FBXL7: variants seen among roughly 807,000 people sequenced by gnomAD.
FBXL7 encodes F-box/LRR-repeat protein 7.
A neutral mutation model predicts 38.3 loss-of-function variants in FBXL7; 12 were observed. The ratio of observed to expected loss-of-function variants is 0.31; its 90% confidence interval spans 0.20 to 0.51. The LOEUF (loss-of-function observed/expected upper bound fraction) is 0.51. Ranked by LOEUF, FBXL7 falls within the 20% of genes least tolerant of loss-of-function variation. The probability of loss-of-function intolerance (pLI) is 0.98; values close to 1 mark genes in which losing one functional copy is unlikely to be tolerated. For missense variants in FBXL7, 567 were observed against 676.4 expected (o/e 0.84, Z 1.79); for synonymous variants, 297 against 300.9 (o/e 0.99, Z 0.13).
In FBXL7 at chr5:15,936,859, G is replaced by C. The variant is rs780770958; in HGVS notation, c.1149G>C (p.Ala383=). 3.1e-6 allele frequency: 5 copies of C among 1,613,902 alleles called. No individual in the cohort carries two copies. The highest frequency in any genetic ancestry group is 4.5e-5 in the East Asian group (2 of 44,862). ...GCAGCAAGCTGCGCTACCTCAACGC[G>C]AGGGGCTGCGAGGGCATCACGGACC... is the stretch of plus-strand genomic sequence containing the variant. The part of the protein sequence containing the change: ...KYCSKLRYLN[A]RGCEGITDHG... The change falls in exon 4 of 4, where the codon GCG becomes GCC. Residue 383 remains alanine (A), a synonymous_variant. Coordinates refer to ENST00000504595, the MANE Select transcript of FBXL7 (RefSeq NM_012304.5). This position sits in a 1 kb window ranked among gnomAD's most constrained non-coding sequence, Gnocchi z 6.0.
chr5:15,663,317 A>G (rs1438343138), intron 2 of FBXL7, among the ~76,000 whole-genome samples: 2 of 152,074 alleles, frequency 1.3e-5, no homozygotes, highest in Non-Finnish European at 2.9e-5. Context: ...TTGTGGGTGT[A>G]TAGGAATGCT....
chr5:15,700,174 TAATA>T (rs1743477112), intron 2 of FBXL7, among the ~76,000 whole-genome samples: 1 of 152,164 alleles, frequency 6.6e-6, no homozygotes, highest in Admixed American at 6.5e-5. Flanking sequence ...TTCCTCTCAT[TAATA>T]GAGACAAAGG....
chr5:15,644,070 G>A (rs1741451069), intron 2 of FBXL7, among the ~76,000 whole-genome samples: 1 of 152,122 alleles, frequency 6.6e-6, no homozygotes, highest in Admixed American at 6.5e-5. Context: ...TGTCCTCCTT[G>A]AATAGTTTGC....
chr5:15,689,771 A>G (rs1245851967), intron 2 of FBXL7, among the ~76,000 whole-genome samples: 2 of 152,226 alleles, frequency 1.3e-5, no homozygotes, highest in Non-Finnish European at 2.9e-5. Context: ...AGATGAGGAA[A>G]CTGTCTAAAA....
At chr5:15,514,350 A>G (rs1736876735) in intron 1 of FBXL7, among the ~76,000 whole-genome samples, 1 of 152,188 alleles carries the variant, frequency 6.6e-6, no homozygotes, top group African/African-American at 2.4e-5. Flanking sequence ...CATTCAACAA[A>G]GATGAACTTA....
intron 1 of FBXL7, among the ~76,000 whole-genome samples, chr5:15,567,600 A>G (rs970442086): frequency 6.6e-6 from 1 of 151,124 alleles, no homozygotes; most frequent in African/African-American, 2.4e-5. Flanking sequence ...TTATATATAT[A>G]TATTTTTTAT....
chr5:15,791,320 A>G (rs1479658335), intron 2 of FBXL7, among the ~76,000 whole-genome samples: 1 of 152,186 alleles, frequency 6.6e-6, no homozygotes, highest in Non-Finnish European at 1.5e-5. Context: ...TCTTTGTTTC[A>G]AACTTTCTGT....
At chr5:15,763,222 A>G (rs936039954) in intron 2 of FBXL7, among the ~76,000 whole-genome samples, 3 of 152,216 alleles carry the variant, frequency 2.0e-5, no homozygotes, top group Admixed American at 6.5e-5. Context: ...TACTCAACTA[A>G]GTGCTTAACT....
At position 15,937,378 on chromosome 5, in the gene FBXL7, A is replaced by C. The variant is rs1037005351; in HGVS notation, c.*192A>C. 1 of 675,542 alleles carries C rather than the reference A, an allele frequency of 1.5e-6. No homozygotes were observed. Among genetic ancestry groups the C allele is most frequent in the Non-Finnish European group, 2.4e-6 (1 of 414,748 alleles). The allele number at this position is 675,542 out of a possible 1,614,324, so 41.8% of individuals were successfully genotyped here. A position where few individuals can be genotyped will look rare whatever the true frequency, so the allele number is the denominator to read the frequency against. ...GCCAAAGAAACGAAGCAAGACAAAC[A>C]GCAAACAGGCATTTTGGTCAGGTCA... On this transcript the variant is annotated 3_prime_UTR_variant, in exon 4 of 4. Transcript: ENST00000504595.
At chr5:15,652,109 A>G (rs111563299) in intron 2 of FBXL7, among the ~76,000 whole-genome samples, 24 of 152,340 alleles carry the variant, frequency 1.6e-4, no homozygotes, top group African/African-American at 5.5e-4. Flanking sequence ...AAAGAGAGTT[A>G]GGGCCTTGCT....
At chr5:15,506,175 G>T (rs1315759745) in intron 1 of FBXL7, among the ~76,000 whole-genome samples, 1 of 151,264 alleles carries the variant, frequency 6.6e-6, no homozygotes, top group African/African-American at 2.4e-5. Context: ...TGACTTCTTG[G>T]TCTATTTTAA....
In FBXL7 at chr5:15,939,017, A is replaced by G; in HGVS notation, c.*1831A>G. 2.5e-6 allele frequency: 1 copy of G among 399,026 alleles called. No individual in the cohort carries two copies. The highest frequency in any genetic ancestry group is 4.4e-6 in the Non-Finnish European group (1 of 226,056). The allele number at this position is 399,026 out of a possible 1,614,324, so 24.7% of individuals were successfully genotyped here. A position where few individuals can be genotyped will look rare whatever the true frequency, so the allele number is the denominator to read the frequency against. On this transcript the variant is annotated 3_prime_UTR_variant, in exon 4 of 4. Transcript: ENST00000504595. ...TATGCTGAATTTGTCAAACTTAGAC[A>G]CCCTTGACAACTGCACTCCTACTGT...
chr5:15,831,030 G>A (rs1738444060), intron 2 of FBXL7, among the ~76,000 whole-genome samples: 1 of 152,174 alleles, frequency 6.6e-6, no homozygotes, highest in Non-Finnish European at 1.5e-5. Context: ...GACAAAATGT[G>A]AAACCCAATG....
chr5:15,842,156 G>A (rs257767), intron 2 of FBXL7, among the ~76,000 whole-genome samples: 1 of 151,938 alleles, frequency 6.6e-6, no homozygotes, highest in African/African-American at 2.4e-5. Flanking sequence ...TGGGAGGGGG[G>A]CTGAACCCTG....
chr5:15,599,395 G>A (rs911370828), intron 1 of FBXL7, among the ~76,000 whole-genome samples: 3 of 152,106 alleles, frequency 2.0e-5, no homozygotes, highest in Admixed American at 6.6e-5. Flanking sequence ...ATATATTTAT[G>A]TGTGTGTGTA....
chr5:15,591,739 T>C (rs1377647644), intron 1 of FBXL7, among the ~76,000 whole-genome samples: 1 of 151,882 alleles, frequency 6.6e-6, no homozygotes, highest in African/African-American at 2.4e-5. Context: ...TGAGATGGAG[T>C]CTTGCTCTGT....
chr5:15,739,634 G>T (rs779203219), intron 2 of FBXL7, among the ~76,000 whole-genome samples: 41 of 152,242 alleles, frequency 2.7e-4, no homozygotes, highest in Middle Eastern at 6.8e-3. Flanking sequence ...GCTGTAAAAG[G>T]AATCATGGAA....
At chr5:15,552,153 A>G (rs964761970) in intron 1 of FBXL7, among the ~76,000 whole-genome samples, 2 of 152,222 alleles carry the variant, frequency 1.3e-5, no homozygotes, top group Non-Finnish European at 2.9e-5. Context: ...TATGCTATAC[A>G]TTGTCTTAGA....
chr5:15,526,057 T>TG (rs1158233468), intron 1 of FBXL7, among the ~76,000 whole-genome samples: 1 of 151,844 alleles, frequency 6.6e-6, no homozygotes, highest in Non-Finnish European at 1.5e-5. Context: ...ATGAAAGACA[T>TG]GGGGGAATGA....
Sources: gnomAD v4.1 joint callset for allele counts (sites outside exome capture counted in the v4.1 genomes callset) on GRCh38, gnomAD v4.1.1 for gene constraint, Gnocchi (gnomAD v3.1) non-coding constraint, MANE v1.5 for transcripts, NCBI Gene and HGNC (gene_info 2026-07-23, HGNC 2026-07-21) for gene names.